Variants in SOX5 observed in about 807,000 individuals in gnomAD.
SOX5 encodes the protein SRY-box transcription factor 5.
In SOX5, 9 loss-of-function variants were observed where a neutral mutation model predicts 92.0. The observed-to-expected ratio is 0.10, with a 90% CI of 0.06 to 0.17. The LOEUF is 0.17. Among genes scored for constraint, SOX5 ranks in the 10% least tolerant of loss-of-function variants. SOX5 has a pLI of 1.00. For missense variants in SOX5, 642 were observed against 944.5 expected (o/e 0.68, Z 4.20); for synonymous variants, 344 against 336.3 (o/e 1.02, Z -0.25).
intron 3 of SOX5, among the ~76,000 whole-genome samples, chr12:23,767,120 G>T (rs7134099): frequency 0.14 from 21,161 of 151,596 alleles, 2,058 homozygotes; most frequent in African/African-American, 0.27. Flanking sequence ...GGTGGGAGGA[G>T]CCTTTGAGCC....
intron 3 of SOX5, among the ~76,000 whole-genome samples, chr12:23,828,733 G>A (rs1594832085): frequency 6.7e-6 from 1 of 149,438 alleles, no homozygotes; most frequent in Middle Eastern, 3.4e-3. Flanking sequence ...AATAGAAGTT[G>A]CTTTTCAAAT....
At chr12:24,452,420 ATGTGTCCCT>A (rs915189466) in intron 1 of SOX5, among the ~76,000 whole-genome samples, 1 of 152,186 alleles carries the variant, frequency 6.6e-6, no homozygotes, top group Admixed American at 6.5e-5. Flanking sequence ...CGGAGCAGGA[ATGTGTCCCT>A]TGGGACTGGC....
intron 6 of SOX5, among the ~76,000 whole-genome samples, chr12:23,725,716 T>C (rs1039546913): frequency 6.6e-6 from 1 of 152,136 alleles, no homozygotes; most frequent in Admixed American, 6.5e-5. Context: ...ACAGTAAGTG[T>C]AGATACGGAA....
chr12:23,812,046 T>C (rs887435250), intron 3 of SOX5, among the ~76,000 whole-genome samples: 1 of 152,106 alleles, frequency 6.6e-6, no homozygotes, highest in Non-Finnish European at 1.5e-5. Context: ...TGTTCTTATT[T>C]TTTCAAGTAA....
chr12:23,959,299 T>C (rs1038629500), intron 4 of SOX5, among the ~76,000 whole-genome samples: 1 of 151,956 alleles, frequency 6.6e-6, no homozygotes, highest in Non-Finnish European at 1.5e-5. Flanking sequence ...TAGTATTGAA[T>C]GAATTGAAAA....
chr12:23,690,529 A>G (rs567938661), intron 6 of SOX5, among the ~76,000 whole-genome samples: 9 of 152,180 alleles, frequency 5.9e-5, no homozygotes, highest in Non-Finnish European at 1.3e-4. Context: ...CCAATGTTGT[A>G]AATGGAAATG....
intron 2 of SOX5, among the ~76,000 whole-genome samples, chr12:24,332,006 A>G (rs1438739764): frequency 2.6e-5 from 4 of 152,168 alleles, no homozygotes; most frequent in Non-Finnish European, 5.9e-5. Flanking sequence ...ACTGCATATA[A>G]TATGATCACA....
rs562451074 is a variant in SOX5, at chr12:23,981,034, A to G, written c.-1-85010T>C. ...GTTTGCCCTTCTGAATTCCCCAGTAATGAGTCTGAAGCTAGTCTGAAGCTA... is the reference window on the plus strand; with the variant it reads ...GTTTGCCCTTCTGAATTCCCCAGTAGTGAGTCTGAAGCTAGTCTGAAGCTA... On this transcript the variant is annotated intron_variant, in intron 4 of 4. Transcript: ENST00000446891. 1.3e-3 allele frequency among the ~76,000 whole-genome samples: 193 copies of G among 152,264 alleles called. 1 individual carries two copies. The highest frequency in any genetic ancestry group is 4.3e-3 in the African/African-American group (180 of 41,542).
At chr12:23,598,484 C>CGCCT (rs1952859646) in intron 9 of SOX5, among the ~76,000 whole-genome samples, 1 of 149,554 alleles carries the variant, frequency 6.7e-6, no homozygotes, top group Non-Finnish European at 1.5e-5. Flanking sequence ...CTGCAAGCTC[C>CGCCT]GCCTCCTGGG....
At chr12:23,954,192 T>A (rs537015644), upstream of SOX5, among the ~76,000 whole-genome samples, 7 of 152,136 alleles carry the variant, frequency 4.6e-5, no homozygotes, top group African/African-American at 1.7e-4. Flanking sequence ...TGGTCATAGG[T>A]GCAAATTACA....
chr12:23,735,191 A>AT (rs1221338200), intron 5 of SOX5, among the ~76,000 whole-genome samples: 8 of 151,716 alleles, frequency 5.3e-5, no homozygotes, highest in African/African-American at 1.9e-4. Context: ...AGTTTTTGGT[A>AT]TTTTTTTTGT....
intron 1 of SOX5, among the ~76,000 whole-genome samples, chr12:23,941,867 T>C (rs1943712288): frequency 6.6e-6 from 1 of 150,678 alleles, no homozygotes; most frequent in South Asian, 2.1e-4. Flanking sequence ...AGGAAGGAAA[T>C]ATTAACCTGA....
chr12:24,312,989 C>T (rs955403548), intron 2 of SOX5, among the ~76,000 whole-genome samples: 3 of 152,082 alleles, frequency 2.0e-5, no homozygotes, highest in Non-Finnish European at 2.9e-5. Flanking sequence ...TTGTCAGCCC[C>T]GGTTGTATGC....
intron 3 of SOX5, among the ~76,000 whole-genome samples, chr12:24,276,768 T>C (rs1204758427): frequency 6.6e-6 from 1 of 152,180 alleles, no homozygotes; most frequent in Non-Finnish European, 1.5e-5. Context: ...CATTTTCGTA[T>C]GTATTAACAG....
chr12:24,193,351 C>A (rs914507929), intron 4 of SOX5, among the ~76,000 whole-genome samples: 2 of 152,190 alleles, frequency 1.3e-5, no homozygotes, highest in Admixed American at 1.3e-4. Flanking sequence ...AAGATGATGA[C>A]AACCAGCAGT....
intron 2 of SOX5, among the ~76,000 whole-genome samples, chr12:23,894,453 C>A (rs1165195961): frequency 6.6e-6 from 1 of 152,080 alleles, no homozygotes; most frequent in African/African-American, 2.4e-5. Flanking sequence ...TCTTGAACTC[C>A]TGACCTCAAG....
intron 4 of SOX5, among the ~76,000 whole-genome samples, chr12:24,060,379 C>T (rs1001005826): frequency 2.0e-5 from 3 of 152,228 alleles, no homozygotes; most frequent in African/African-American, 7.2e-5. Flanking sequence ...TACTCTCAAC[C>T]ATGACAACTC....
chr12:23,738,355 T>C (rs1249946686), intron 5 of SOX5: 10 of 152,166 alleles, frequency 6.6e-5, no homozygotes, highest in African/African-American at 2.4e-4. Context: ...CATGAAAAGA[T>C]CTGCCACCAC....
intron 10 of SOX5, among the ~76,000 whole-genome samples, chr12:23,567,002 A>G (rs907170160): frequency 6.6e-6 from 1 of 152,240 alleles, no homozygotes; most frequent in Non-Finnish European, 1.5e-5. Context: ...AGCACTTGGT[A>G]TCTGCAGAGG....
Sources: gnomAD v4.1 joint callset for allele counts (sites outside exome capture counted in the v4.1 genomes callset) on GRCh38, gnomAD v4.1.1 for gene constraint, MANE v1.5 for transcripts, NCBI Gene and HGNC (gene_info 2026-07-23, HGNC 2026-07-21) for gene names.